Variants in DMD observed in about 807,000 individuals in gnomAD.
The protein encoded by DMD is mutant dystrophin.
In DMD, 63 loss-of-function variants were observed where a neutral mutation model predicts 330.1. The ratio of observed to expected loss-of-function variants is 0.19; its 90% CI spans 0.16 to 0.24. DMD has a LOEUF of 0.24. Ranked by LOEUF, DMD falls within the 10% of genes least tolerant of loss-of-function variation. The pLI, the probability that DMD is intolerant of heterozygous loss-of-function variation, is 1.00. For synonymous variants in DMD, 1,223 were observed against 959.8 expected, an observed-to-expected ratio of 1.27 and a Z score of -5.07; for missense variants, 3,344 against 2,684.1, an observed-to-expected ratio of 1.25 and a Z score of -5.43.
intron 29 of DMD, among the ~76,000 whole-genome samples, chrX:32,427,319 C>A (rs1342416777): frequency 1.8e-5 from 2 of 110,733 alleles, no homozygotes; most frequent in African/African-American, 6.6e-5. Flanking sequence ...TATGAGATAT[C>A]CAAAGAGAAA....
At chrX:32,581,355 C>G (rs761133566) in intron 13 of DMD, among the ~76,000 whole-genome samples, 1 of 112,277 alleles carries the variant, frequency 8.9e-6, no homozygotes, top group Non-Finnish European at 1.9e-5. Flanking sequence ...GACTCCTGCT[C>G]TGGTTACTAT....
At chrX:32,775,821 T>C (rs1400648627) in intron 7 of DMD, among the ~76,000 whole-genome samples, 1 of 113,175 alleles carries the variant, frequency 8.8e-6, no homozygotes, top group African/African-American at 3.2e-5. Context: ...TATGCAAATT[T>C]CTGCAGCAGG....
rs754347525 is a variant in DMD, at chrX:31,689,589, T to C, written c.7661-10003A>G. ...AATGCCATCCCCATCAAGCTACCAA[T>C]GACTTTCTTCACAGAATTGGAAAAA... On this transcript the variant is annotated intron_variant, in intron 52 of 78. Coordinates refer to ENST00000357033, the MANE Select transcript of DMD (RefSeq NM_004006.3). Among the ~76,000 whole-genome samples the C allele has an allele frequency of 1.7e-3, 191 of 111,428 alleles. 1 individual carries two copies. The highest frequency in any genetic ancestry group is 8.4e-3 in the South Asian group (22 of 2,606).
intron 7 of DMD, among the ~76,000 whole-genome samples, chrX:32,724,076 A>T (rs2066612608): frequency 8.9e-6 from 1 of 111,979 alleles, no homozygotes; most frequent in African/African-American, 3.2e-5. Flanking sequence ...AAATGATGAC[A>T]ATTAGATTCG....
At chrX:31,308,675 G>A (rs1195430727) in intron 62 of DMD, among the ~76,000 whole-genome samples, 1 of 111,201 alleles carries the variant, frequency 9.0e-6, no homozygotes, top group East Asian at 2.8e-4. Flanking sequence ...GCTTCCCAAA[G>A]TGTTGGGACT....
Position 32,978,310 on chromosome X carries a change from T to C in DMD, c.93+41829A>G, listed in dbSNP as rs1359947565. Among the ~76,000 whole-genome samples, 3 of 111,884 alleles carry C rather than the reference T, an allele frequency of 2.7e-5. 1 individual carries two copies. The East Asian group carries it at 8.4e-4, about 31-fold the overall frequency. On this transcript the variant is annotated intron_variant, in intron 2 of 78. Transcript: ENST00000357033. ...CCCTTTGCTATATAGCTGCCTTGCTTAGAAACTTCTTCTAAGAGAAATGCC... is the reference window on the plus strand; with the variant it reads ...CCCTTTGCTATATAGCTGCCTTGCTCAGAAACTTCTTCTAAGAGAAATGCC...
intron 44 of DMD, among the ~76,000 whole-genome samples, chrX:32,174,641 T>C (rs1327389297): frequency 8.9e-6 from 1 of 112,432 alleles, no homozygotes; most frequent in Non-Finnish European, 1.9e-5. Context: ...TGCTAACCCC[T>C]ACTATAAAAC....
chrX:33,259,509 A>G (rs1452744922), intron 1 of DMD, among the ~76,000 whole-genome samples: 1 of 108,525 alleles, frequency 9.2e-6, no homozygotes, highest in East Asian at 2.9e-4. Flanking sequence ...AAGATGTCCA[A>G]AGCAAATGCT....
At chrX:32,226,204 C>G (rs2097147291) in intron 43 of DMD, among the ~76,000 whole-genome samples, 1 of 111,889 alleles carries the variant, frequency 8.9e-6, no homozygotes, top group East Asian at 2.8e-4. Flanking sequence ...TCACTTCCTA[C>G]TTTGGTCCCT....
intron 50 of DMD, among the ~76,000 whole-genome samples, chrX:31,814,462 G>C (rs1245544062): frequency 1.3e-5 from 1 of 79,076 alleles, no homozygotes; most frequent in Admixed American, 1.8e-4. Flanking sequence ...CAGCCTGGGC[G>C]ACAGAGTGAG....
intron 78 of DMD, among the ~76,000 whole-genome samples, chrX:31,122,649 A>G (rs17340533): frequency 0.022 from 2,452 of 111,835 alleles, 59 homozygotes; most frequent in East Asian, 0.15. Context: ...TTTACATTCC[A>G]AATTACTCTA....
chrX:31,741,974 G>A (rs940732289), intron 51 of DMD, among the ~76,000 whole-genome samples: 1 of 112,033 alleles, frequency 8.9e-6, no homozygotes, highest in East Asian at 2.8e-4. Flanking sequence ...ATCAGCACTT[G>A]TTGCTCTGCC....
At chrX:31,864,744 GC>G (rs1202353406) in intron 48 of DMD, among the ~76,000 whole-genome samples, 3 of 111,104 alleles carry the variant, frequency 2.7e-5, no homozygotes, top group South Asian at 3.8e-4. Flanking sequence ...ACCTGCTTTG[GC>G]CTCCCAAAGT....
Position 32,573,653 on chromosome X carries a change from G to T in DMD, c.1705-16C>A. The stretch of plus-strand genomic sequence containing the variant: ...TAAAAAGGCACTGCAAGACATTAAA[G>T]AATTCCAAGGAATAAATAAACATAA... On this transcript the variant is annotated splice_polypyrimidine_tract_variant and intron_variant, in intron 14 of 78. Transcript: ENST00000357033. The T allele has an allele frequency of 8.4e-7, 1 of 1,194,332 alleles. No individual in the cohort carries two copies. Among genetic ancestry groups the T allele is most frequent in the Non-Finnish European group, 1.1e-6 (1 of 879,752 alleles).
chrX:32,053,056 C>G (rs2096129615), intron 44 of DMD, among the ~76,000 whole-genome samples: 1 of 111,563 alleles, frequency 9.0e-6, no homozygotes, highest in Non-Finnish European at 1.9e-5. Context: ...ATTCCCACAC[C>G]ACTGCTAGAT....
intron 1 of DMD, among the ~76,000 whole-genome samples, chrX:33,200,925 C>CTTTTTTTTTTTTTTTTT (rs10678250): frequency 1.9e-5 from 1 of 52,808 alleles, no homozygotes; most frequent in Non-Finnish European, 3.0e-5. Context: ...AATCAATAGA[C>CTTTTTTTTTTTTTTTTT]TTTTTTTTTT....
intron 29 of DMD, chrX:32,412,171 A>G: frequency 9.0e-7 from 1 of 1,109,939 alleles, no homozygotes; most frequent in Non-Finnish European, 1.2e-6. Flanking sequence ...CATTAAGGAA[A>G]TAGGCTGGAA....
At chrX:31,624,710 T>A (rs894827156) in intron 55 of DMD, among the ~76,000 whole-genome samples, 2 of 111,820 alleles carry the variant, frequency 1.8e-5, no homozygotes, top group South Asian at 3.7e-4. Flanking sequence ...CCTTTTTTTT[T>A]AATATATGAG....
At chrX:31,904,213 A>G (rs938935036) in intron 47 of DMD, among the ~76,000 whole-genome samples, 4 of 111,663 alleles carry the variant, frequency 3.6e-5, no homozygotes, top group African/African-American at 1.3e-4. Flanking sequence ...TTAATATATT[A>G]CTACACTTAA....
Sources: gnomAD v4.1 joint callset for allele counts (sites outside exome capture counted in the v4.1 genomes callset) on GRCh38, gnomAD v4.1.1 for gene constraint, MANE v1.5 for transcripts, NCBI Gene and HGNC (gene_info 2026-07-23, HGNC 2026-07-21) for gene names.